The following CLTCL1 variants were observed in gnomAD, a reference collection of about 807,000 sequenced individuals.
The protein encoded by CLTCL1 is clathrin heavy chain like 1.
A neutral mutation model predicts 190.0 loss-of-function variants in CLTCL1; 159 were observed. That is an observed-to-expected ratio of 0.84 (90% CI 0.74 to 0.95). The LOEUF is 0.95. CLTCL1 is among the 40% of genes least tolerant of loss of function. The pLI is 0.00. For synonymous variants in CLTCL1, 752 were observed against 769.6 expected (o/e 0.98, Z 0.38); for missense variants, 1,878 against 2,033.4 (o/e 0.92, Z 1.47).
At position 19,221,487 on chromosome 22, in the gene CLTCL1, C is replaced by A; in HGVS notation, c.2686G>T (p.Glu896Ter). 1.3e-6 allele frequency: 2 copies of A among 1,597,704 alleles called. No homozygotes were observed. The highest frequency in any genetic ancestry group is 2.3e-5 in the East Asian group (1 of 44,360). Reference sequence around the variant, plus strand: ...ACGCTGCTGTCATAGTAGGCATTCTCTCTCAGGAAGCACTCGGGGCTGTTG... The same window carrying A: ...ACGCTGCTGTCATAGTAGGCATTCTATCTCAGGAAGCACTCGGGGCTGTTG... ...SNNSPECFLR[E>*]NAYYDSSVVG... Residue 896 changes from glutamate (E) to a stop codon, truncating the protein, a stop_gained, in exon 17 of 33, where the codon GAG (glutamate) becomes TAG (stop). Coordinates refer to ENST00000427926, the MANE Select transcript of CLTCL1 (RefSeq NM_007098.4). LOFTEE classifies it high-confidence loss of function.
chr22:19,280,378 A>G (rs1555985850), intron 1 of CLTCL1, among the ~76,000 whole-genome samples: 1 of 152,152 alleles, frequency 6.6e-6, no homozygotes, highest in Non-Finnish European at 1.5e-5. Context: ...GTTAAAAAAT[A>G]AAGAATTATT....
Position 19,188,054 on chromosome 22 carries a change from G to A in CLTCL1, c.4361C>T (p.Ser1454Leu). The change falls in exon 28 of 33, where the codon TCA becomes TTA. Residue 1454 changes from serine to leucine, a missense_variant. Coordinates refer to ENST00000427926, the MANE Select transcript of CLTCL1 (RefSeq NM_007098.4). ...QLPLVKPYLRSVQSHNNKSVN... is the reference protein window; with the variant it reads ...QLPLVKPYLRLVQSHNNKSVN... ...ACTCTTGTTGTTGTGGCTCTGGACT[G>A]ACCGCAGGTAAGGCTTCACCAGGGG... The A allele has an allele frequency of 6.2e-7, 1 of 1,614,016 alleles. No homozygotes were observed. The highest frequency in any genetic ancestry group is 2.2e-5 in the East Asian group (1 of 44,888).
rs151250932 is a variant in CLTCL1, at chr22:19,243,126, T to C, written c.520-190A>G. Among the ~76,000 whole-genome samples, 860 of 152,178 alleles carry C rather than the reference T, an allele frequency of 5.7e-3. 10 individuals carry two copies. Among genetic ancestry groups the C allele is most frequent in the African/African-American group, 0.019 (773 of 41,510 alleles). ...TTATGTGGAAAGATGGCAAACACTATGGAAAAAAATAAGACCACAAAAAAG... is the reference window on the plus strand; with the variant it reads ...TTATGTGGAAAGATGGCAAACACTACGGAAAAAAATAAGACCACAAAAAAG... On this transcript the variant is annotated intron_variant, in intron 3 of 32. Coordinates refer to ENST00000427926, the MANE Select transcript of CLTCL1 (RefSeq NM_007098.4).
At chr22:19,279,970 C>G (rs1331776666) in intron 1 of CLTCL1, among the ~76,000 whole-genome samples, 1 of 152,124 alleles carries the variant, frequency 6.6e-6, no homozygotes, top group African/African-American at 2.4e-5. Context: ...TGCCAGGGCC[C>G]AGAGCTCTGA....
At chr22:19,231,100 C>T (rs547771427) in intron 10 of CLTCL1, among the ~76,000 whole-genome samples, 149 of 152,248 alleles carry the variant, frequency 9.8e-4, no homozygotes, top group Non-Finnish European at 2.0e-3. Flanking sequence ...CTTCAGCTTC[C>T]CTGGTTCTGA....
chr22:19,239,875 C>A (rs1324302270), intron 4 of CLTCL1, among the ~76,000 whole-genome samples: 2 of 152,034 alleles, frequency 1.3e-5, no homozygotes, highest in African/African-American at 4.8e-5. Context: ...TGAGGGAGCC[C>A]ATCCCTGCCT....
Position 19,222,061 on chromosome 22 carries a change from T to C in CLTCL1, c.2451A>G (p.Gly817=). The C allele has an allele frequency of 6.2e-7, 1 of 1,613,968 alleles. No individual in the cohort carries two copies. Among genetic ancestry groups the C allele is most frequent in the Non-Finnish European group, 8.5e-7 (1 of 1,179,882 alleles). ...VNPSRTPAVI[G]GLLDVDCSEE... is the part of the protein sequence containing the mutation. ...CAGAACAATCCACATCAAGCAGCCC[T>C]CCAATCACAGCTGGGGTCCGGCTAG... is the stretch of plus-strand genomic sequence containing the variant. Residue 817 remains glycine (G), a synonymous_variant, in exon 16 of 33, where the codon GGA becomes GGG. Transcript: ENST00000427926.
chr22:19,234,930 A>AT (rs11369325), intron 6 of CLTCL1, among the ~76,000 whole-genome samples: 8,982 of 152,342 alleles, frequency 0.059, 330 homozygotes, highest in Middle Eastern at 0.16. Flanking sequence ...AGTCACACAG[A>AT]TAAGTGTGAT....
chr22:19,212,441 C>T (rs2085256059), intron 19 of CLTCL1, among the ~76,000 whole-genome samples: 1 of 151,174 alleles, frequency 6.6e-6, no homozygotes, highest in South Asian at 2.1e-4. Flanking sequence ...ATGGTGCACA[C>T]CTGCAGCTAC....
At chr22:19,181,858 GAGA>G (rs1468145379) in intron 30 of CLTCL1, 5 of 152,270 alleles carry the variant, frequency 3.3e-5, no homozygotes, top group Admixed American at 6.5e-5. Context: ...GGTGGCAGCA[GAGA>G]AGGTGCTCCA....
intron 1 of CLTCL1, among the ~76,000 whole-genome samples, chr22:19,276,350 G>A (rs1462503796): frequency 2.0e-5 from 3 of 152,190 alleles, no homozygotes; most frequent in Non-Finnish European, 2.9e-5. Context: ...CATCTGACTT[G>A]AATGAATTTC....
chr22:19,220,144 T>C, intron 17 of CLTCL1, 137 bp from the exon 18 acceptor site: 1 of 1,057,248 alleles, frequency 9.5e-7, no homozygotes, highest in Non-Finnish European at 1.4e-6. Context: ...ACGCTATGCT[T>C]TGACATGGGA....
chr22:19,255,756 G>A (rs1469369235), intron 2 of CLTCL1, among the ~76,000 whole-genome samples: 11 of 145,808 alleles, frequency 7.5e-5, no homozygotes, highest in South Asian at 2.2e-4. Flanking sequence ...CTAAAAATAC[G>A]AAAATTAGCC....
At chr22:19,239,438 C>T (rs782504651) in intron 4 of CLTCL1, 50 bp from the exon 5 acceptor site, 1 of 1,375,288 alleles carries the variant, frequency 7.3e-7, no homozygotes, top group Admixed American at 1.7e-5. Flanking sequence ...TGGTGGTGGG[C>T]AAGTGCTAGT....
intron 19 of CLTCL1, among the ~76,000 whole-genome samples, chr22:19,213,246 G>A (rs1471838952): frequency 6.6e-6 from 1 of 152,138 alleles, no homozygotes; most frequent in African/African-American, 2.4e-5. Flanking sequence ...AGCCACTAGG[G>A]CAATGCAAAT....
intron 18 of CLTCL1, among the ~76,000 whole-genome samples, chr22:19,217,615 CAA>C (rs71184793): frequency 5.8e-5 from 2 of 34,768 alleles, no homozygotes; most frequent in African/African-American, 1.8e-4. Flanking sequence ...GACTCTGTCT[CAA>C]AAAAAAAAAA....
At position 19,235,731 on chromosome 22, in the gene CLTCL1, T is replaced by C. The variant is rs782233327; in HGVS notation, c.934A>G (p.Thr312Ala). Residue 312 changes from threonine (T) to alanine (A), a missense_variant, in exon 6 of 33, where the codon ACC (threonine) becomes GCC (alanine). Thr to Ala is a moderately conservative substitution (Grantham distance 58). Coordinates refer to ENST00000427926, the MANE Select transcript of CLTCL1 (RefSeq NM_007098.4). ...TTGTTGACACCAATAATTCCAGAGG[T>C]TGGTTTGTGTGGAGCAGTGACAAAT... ...TIFVTAPHKP[T>A]SGIIGVNKKG... 9.3e-6 allele frequency: 15 copies of C among 1,613,310 alleles called. No individual in the cohort carries two copies. The highest frequency in any genetic ancestry group is 1.3e-5 in the Non-Finnish European group (15 of 1,179,682).
intron 3 of CLTCL1, 127 bp downstream of exon 3, chr22:19,253,832 C>T: frequency 8.7e-7 from 1 of 1,143,476 alleles, no homozygotes; most frequent in Non-Finnish European, 1.2e-6. Context: ...TCCCAAAGTG[C>T]TGGGATTACA....
chr22:19,197,619 C>T (rs958724401), intron 24 of CLTCL1, among the ~76,000 whole-genome samples: 3 of 152,190 alleles, frequency 2.0e-5, no homozygotes, highest in Non-Finnish European at 4.4e-5. Flanking sequence ...AAACTCCTCA[C>T]AACAACCATT....
Sources: allele counts gnomAD v4.1 joint callset (sites outside exome capture counted in the v4.1 genomes callset), GRCh38; gene constraint gnomAD v4.1.1; transcripts MANE v1.5; gene names NCBI Gene and HGNC (gene_info 2026-07-23, HGNC 2026-07-21).